Variants in TNKS observed in about 807,000 individuals in gnomAD.
TNKS encodes the protein poly [ADP-ribose] polymerase tankyrase-1.
Under a neutral mutation model 135.8 loss-of-function variants are expected in TNKS, and 72 were observed. That is an observed-to-expected ratio of 0.53 (90% confidence interval 0.44 to 0.64). The LOEUF (loss-of-function observed/expected upper bound fraction) is 0.64. TNKS is among the 30% of genes least tolerant of loss of function. TNKS has a pLI of 0.00. For synonymous variants in TNKS, 849 were observed against 649.3 expected (o/e 1.31, Z -4.68); for missense variants, 1,769 against 1,674.0 (o/e 1.06, Z -0.99).
chr8:9,736,439 G>A (rs182309101), intron 17 of TNKS, among the ~76,000 whole-genome samples: 1 of 152,172 alleles, frequency 6.6e-6, no homozygotes, highest in Admixed American at 6.5e-5. Flanking sequence ...AAAACCTCCA[G>A]GTGAAAGTCC....
At chr8:9,688,706 C>T (rs1472858475) in intron 5 of TNKS, among the ~76,000 whole-genome samples, 3 of 152,182 alleles carry the variant, frequency 2.0e-5, no homozygotes, top group African/African-American at 7.2e-5. Context: ...GTGGCACAAT[C>T]TCAGCTCACT....
At chr8:9,700,611 CTT>C (rs57880434) in intron 5 of TNKS, among the ~76,000 whole-genome samples, 3 of 150,128 alleles carry the variant, frequency 2.0e-5, no homozygotes, top group South Asian at 2.1e-4. Flanking sequence ...ACACTCCCTT[CTT>C]TTTTTTTTTC....
intron 1 of TNKS, chr8:9,557,424 G>C (rs1174082716): frequency 6.9e-6 from 1 of 144,810 alleles, no homozygotes; most frequent in Non-Finnish European, 1.5e-5. Context: ...GCAAGTAGTT[G>C]ATGATTTTCT....
intron 11 of TNKS, among the ~76,000 whole-genome samples, chr8:9,713,040 T>G (rs1290436220): frequency 6.6e-6 from 1 of 152,212 alleles, no homozygotes; most frequent in East Asian, 1.9e-4. Flanking sequence ...TTAAGTGTTC[T>G]CAAAACTTTT....
intron 1 of TNKS, among the ~76,000 whole-genome samples, chr8:9,560,415 A>T (rs1235675432): frequency 6.6e-6 from 1 of 151,154 alleles, no homozygotes; most frequent in Non-Finnish European, 1.5e-5. Context: ...TATCTACTAC[A>T]ATACATATTT....
intron 3 of TNKS, among the ~76,000 whole-genome samples, chr8:9,674,087 T>G (rs1802427910): frequency 6.6e-6 from 1 of 152,186 alleles, no homozygotes; most frequent in Non-Finnish European, 1.5e-5. Context: ...TAGTAGAGTG[T>G]TTTTTCTCAA....
At chr8:9,762,585 T>G (rs1289481207) in intron 21 of TNKS, among the ~76,000 whole-genome samples, 1 of 152,130 alleles carries the variant, frequency 6.6e-6, no homozygotes, top group African/African-American at 2.4e-5. Flanking sequence ...AACTCTGCAG[T>G]CTGTACAAGA....
intron 6 of TNKS, 140 bp from the exon 7 acceptor site, chr8:9,706,047 A>T: frequency 2.2e-6 from 1 of 465,098 alleles, no homozygotes; most frequent in Non-Finnish European, 3.6e-6. Context: ...TATGCTTTGA[A>T]TTCTTTTATT....
chr8:9,673,916 T>C (rs922301060), intron 3 of TNKS, among the ~76,000 whole-genome samples: 4 of 152,204 alleles, frequency 2.6e-5, no homozygotes, highest in African/African-American at 4.8e-5. Flanking sequence ...ATTAGAATTA[T>C]TGAAAAAGTA....
At chr8:9,663,394 A>G (rs1487989713) in intron 3 of TNKS, among the ~76,000 whole-genome samples, 2 of 152,226 alleles carry the variant, frequency 1.3e-5, no homozygotes, top group East Asian at 1.9e-4. Flanking sequence ...GTGTATATGT[A>G]TGTGTAAAGG....
Position 9,726,725 on chromosome 8 carries a change from G to A in TNKS, c.2001+5G>A. The A allele has an allele frequency of 6.2e-7, 1 of 1,610,080 alleles. No individual in the cohort carries two copies. Among genetic ancestry groups the A allele is most frequent in the Non-Finnish European group, 8.5e-7 (1 of 1,177,820 alleles). On this transcript the variant is annotated splice_donor_5th_base_variant and intron_variant, in intron 13 of 26. Transcript: ENST00000310430. ...GGAGACTTGGAAACTGTGAAGGTAA[G>A]TCAGTGCCCTTAATATCTGGAATAG...
Position 9,707,000 on chromosome 8 carries a change from A to G in TNKS, c.1456+3A>G, listed in dbSNP as rs1257187415. ...GGAGCTTAGGGAGAGATTGACTTGT[A>G]CGTATTTATATCCCGAAATCATTAT... On this transcript the variant is annotated splice_donor_region_variant and intron_variant, in intron 8 of 26. Transcript: ENST00000310430. 7.7e-6 allele frequency: 12 copies of G among 1,566,196 alleles called. No individual in the cohort carries two copies. Among genetic ancestry groups the G allele is most frequent in the Admixed American group, 2.0e-5 (1 of 49,776 alleles).
intron 2 of TNKS, among the ~76,000 whole-genome samples, chr8:9,593,344 A>G (rs1798657545): frequency 6.6e-6 from 1 of 152,228 alleles, no homozygotes; most frequent in South Asian, 2.1e-4. Flanking sequence ...TGTAGAGCTG[A>G]TAGAAAGTTG....
intron 12 of TNKS, among the ~76,000 whole-genome samples, chr8:9,721,695 C>T (rs1034567646): frequency 2.0e-5 from 3 of 152,082 alleles, no homozygotes; most frequent in African/African-American, 7.2e-5. Context: ...TATGACATTT[C>T]AGAAGTGAAA....
intron 3 of TNKS, among the ~76,000 whole-genome samples, chr8:9,618,725 T>G (rs1374290581): frequency 6.6e-6 from 1 of 152,178 alleles, no homozygotes; most frequent in Non-Finnish European, 1.5e-5. Flanking sequence ...AATACATTCA[T>G]TTGGAAATTG....
intron 1 of TNKS, among the ~76,000 whole-genome samples, chr8:9,560,493 C>CTCTTTTTT (rs1797281030): frequency 1.2e-4 from 5 of 42,286 alleles, no homozygotes; most frequent in African/African-American, 3.6e-4. Context: ...CCATACTTGT[C>CTCTTTTTT]TTTTTTTTTT....
At chr8:9,709,146 T>C (rs1193424164) in intron 9 of TNKS, among the ~76,000 whole-genome samples, 1 of 152,162 alleles carries the variant, frequency 6.6e-6, no homozygotes, top group East Asian at 1.9e-4. Flanking sequence ...ACCTAATTAA[T>C]ATTCTTACGT....
chr8:9,679,178 A>T (rs1006548077), intron 3 of TNKS, among the ~76,000 whole-genome samples: 12 of 152,236 alleles, frequency 7.9e-5, no homozygotes, highest in African/African-American at 2.9e-4. Flanking sequence ...GTAGTTAGAT[A>T]TCTGCTCATT....
intron 2 of TNKS, among the ~76,000 whole-genome samples, chr8:9,593,634 C>G (rs1448775138): frequency 6.6e-6 from 1 of 152,168 alleles, no homozygotes; most frequent in Non-Finnish European, 1.5e-5. Flanking sequence ...AGTAATACCT[C>G]TCTGTTAATT....
Sources: gnomAD v4.1 joint callset for allele counts (sites outside exome capture counted in the v4.1 genomes callset) on GRCh38, gnomAD v4.1.1 for gene constraint, MANE v1.5 for transcripts, NCBI Gene and HGNC (gene_info 2026-07-23, HGNC 2026-07-21) for gene names.